Variants in PRIM2 observed in about 807,000 individuals in gnomAD.
PRIM2 encodes the protein DNA primase large subunit.
In PRIM2, 39 loss-of-function variants were observed where a neutral mutation model predicts 67.3. The observed-to-expected ratio is 0.58, with a 90% CI of 0.45 to 0.76. The LOEUF (loss-of-function observed/expected upper bound fraction) is 0.76, where lower values mean the gene tolerates loss of function less well. Among genes scored for constraint, PRIM2 ranks in the 30% least tolerant of loss-of-function variants. The pLI is 0.00. For synonymous variants in PRIM2, 143 were observed against 198.7 expected (o/e 0.72, Z 2.36); for missense variants, 398 against 598.7 (o/e 0.66, Z 3.50).
intron 8 of PRIM2, among the ~76,000 whole-genome samples, chr6:57,527,363 T>C (rs1281592297): frequency 2.0e-5 from 3 of 152,262 alleles, no homozygotes; most frequent in African/African-American, 7.2e-5. Context: ...TCACTCAGGC[T>C]AGAAACTGAT....
At chr6:57,357,463 GT>G (rs1290039972) in intron 5 of PRIM2, among the ~76,000 whole-genome samples, 2 of 152,016 alleles carry the variant, frequency 1.3e-5, no homozygotes, top group African/African-American at 2.4e-5. Context: ...GTGAAAACAT[GT>G]TTTTTCCCCT....
chr6:57,429,513 A>G (rs1280167333), intron 7 of PRIM2, among the ~76,000 whole-genome samples: 1 of 152,178 alleles, frequency 6.6e-6, no homozygotes, highest in African/African-American at 2.4e-5. Context: ...GGTTTGATAA[A>G]AGAGTCTTTA....
intron 13 of PRIM2, among the ~76,000 whole-genome samples, chr6:57,639,480 A>G (rs1415397223): frequency 2.0e-5 from 3 of 152,010 alleles, no homozygotes; most frequent in African/African-American, 7.3e-5. Flanking sequence ...TTTTGAAAAG[A>G]TCAACAAAAT....
intron 7 of PRIM2, among the ~76,000 whole-genome samples, chr6:57,479,610 T>G (rs1440451295): frequency 2.0e-5 from 3 of 152,204 alleles, no homozygotes; most frequent in African/African-American, 7.2e-5. Context: ...AAAGGTTTGC[T>G]CTCTCTTTCA....
At position 57,443,854 on chromosome 6, in the gene PRIM2, T is replaced by G. The variant is rs373521669; in HGVS notation, c.693+61686T>G. 3.6e-3 allele frequency among the ~76,000 whole-genome samples: 555 copies of G among 152,252 alleles called. 2 individuals carry two copies. The highest frequency in any genetic ancestry group is 0.012 in the African/African-American group (516 of 41,556). On this transcript the variant is annotated intron_variant, in intron 7 of 13. Coordinates refer to ENST00000615550, the MANE Select transcript of PRIM2 (RefSeq NM_000947.5). ...AGTGATTGCCTAGATCAATGTCATG[T>G]AGTTTTTCCCATATGTTGTCTTCTA...
chr6:57,371,156 T>C (rs1002860825), intron 5 of PRIM2, among the ~76,000 whole-genome samples: 29 of 151,658 alleles, frequency 1.9e-4, no homozygotes, highest in African/African-American at 6.8e-4. Context: ...AATTATATCT[T>C]GTATATTTCC....
At chr6:57,264,259 G>A in the PRIM2 span, among the ~76,000 whole-genome samples, 1 of 152,132 alleles carries the variant, frequency 6.6e-6, no homozygotes, top group Non-Finnish European at 1.5e-5. Flanking sequence ...GCAGTGTTGG[G>A]TGGTGCAGTA....
At chr6:57,608,220 A>G (rs1376089691) in intron 12 of PRIM2, among the ~76,000 whole-genome samples, 3 of 152,176 alleles carry the variant, frequency 2.0e-5, no homozygotes, top group Non-Finnish European at 4.4e-5. Context: ...AAGTATCACA[A>G]AAGTCAAGGA....
At chr6:57,495,717 A>T (rs1185619043) in intron 7 of PRIM2, among the ~76,000 whole-genome samples, 3 of 151,444 alleles carry the variant, frequency 2.0e-5, no homozygotes, top group Non-Finnish European at 4.4e-5. Context: ...CACCTCCTAC[A>T]CTCCACTCCC....
At chr6:57,238,790 A>T in the PRIM2 span, among the ~76,000 whole-genome samples, 1 of 152,154 alleles carries the variant, frequency 6.6e-6, no homozygotes, top group East Asian at 1.9e-4. Context: ...TTTTTTGAAA[A>T]GATCAACAAA....
intron 7 of PRIM2, among the ~76,000 whole-genome samples, chr6:57,416,333 A>C (rs1771262289): frequency 6.6e-6 from 1 of 152,170 alleles, no homozygotes; most frequent in Non-Finnish European, 1.5e-5. Flanking sequence ...GGGTCTCAAC[A>C]GTGGGCTTAA....
chr6:57,423,126 A>G (rs1223912619), intron 7 of PRIM2, among the ~76,000 whole-genome samples: 1 of 152,184 alleles, frequency 6.6e-6, no homozygotes, highest in African/African-American at 2.4e-5. Context: ...TTCACTTTGC[A>G]GTTGACTTGG....
At chr6:57,405,295 G>C (rs560082613) in intron 7 of PRIM2, among the ~76,000 whole-genome samples, 568 of 151,996 alleles carry the variant, frequency 3.7e-3, no homozygotes, top group African/African-American at 0.013. Flanking sequence ...AGGGGAGCTG[G>C]GCATATGTAA....
the PRIM2 span, among the ~76,000 whole-genome samples, chr6:57,234,553 TC>T: frequency 6.6e-6 from 1 of 152,222 alleles, no homozygotes; most frequent in Non-Finnish European, 1.5e-5. Context: ...AGATGGAGTC[TC>T]GCTTTGTTTC....
chr6:57,240,347 TGCCTCG>T, the PRIM2 span, among the ~76,000 whole-genome samples: 1 of 152,072 alleles, frequency 6.6e-6, no homozygotes, highest in Non-Finnish European at 1.5e-5. Context: ...GTGATCCTCC[TGCCTCG>T]GCCTCCCAAA....
At chr6:57,257,516 C>A in the PRIM2 span, among the ~76,000 whole-genome samples, 2 of 152,142 alleles carry the variant, frequency 1.3e-5, no homozygotes, top group African/African-American at 4.8e-5. Flanking sequence ...GGTGATCTGC[C>A]CGCCTCGGCC....
chr6:57,427,335 TC>T (rs1336109074), intron 7 of PRIM2, among the ~76,000 whole-genome samples: 2 of 152,216 alleles, frequency 1.3e-5, no homozygotes, highest in African/African-American at 4.8e-5. Context: ...AATTCTTTTT[TC>T]TTTGAGACTT....
chr6:57,318,433 T>C lies in PRIM2; in HGVS notation c.-9-4T>C, dbSNP rs756565450. 6.2e-7 allele frequency: 1 copy of C among 1,609,818 alleles called. No individual in the cohort carries two copies. Among genetic ancestry groups the C allele is most frequent in the Admixed American group, 1.7e-5 (1 of 59,394 alleles). On this transcript the variant is annotated splice_region_variant and splice_polypyrimidine_tract_variant and intron_variant, in intron 1 of 13. Coordinates refer to ENST00000615550, the MANE Select transcript of PRIM2 (RefSeq NM_000947.5). ...TTTACGCTTTTTGTGTACTTCCTTC[T>C]AAGGTGACCAAGATGGAGTTTTCTG... is the stretch of plus-strand genomic sequence containing the variant.
chr6:57,277,903 G>A, the PRIM2 span, among the ~76,000 whole-genome samples: 1 of 152,020 alleles, frequency 6.6e-6, no homozygotes, highest in East Asian at 1.9e-4. Context: ...AGGATGGCGT[G>A]AACCCGGGAG....
Sources: gnomAD v4.1 joint callset for allele counts (sites outside exome capture counted in the v4.1 genomes callset) on GRCh38, gnomAD v4.1.1 for gene constraint, MANE v1.5 for transcripts, NCBI Gene and HGNC (gene_info 2026-07-23, HGNC 2026-07-21) for gene names.